PMVK: variants seen among roughly 807,000 people sequenced by gnomAD.
PMVK encodes the protein testis tissue sperm-binding protein Li 95mP.
PMVK carries 10 observed loss-of-function variants against 19.0 expected under a neutral mutation model. The ratio of observed to expected loss-of-function variants is 0.53; its 90% CI spans 0.32 to 0.89. The LOEUF (loss-of-function observed/expected upper bound fraction) is 0.89, where lower values mean the gene tolerates loss of function less well. Ranked by LOEUF, PMVK falls within the 40% of genes least tolerant of loss-of-function variation. The pLI, the probability that PMVK is intolerant of heterozygous loss-of-function variation, is 0.03. For synonymous variants in PMVK, 108 were observed against 101.6 expected, an observed-to-expected ratio of 1.06 and a Z score of -0.38; for missense variants, 222 against 251.1, an observed-to-expected ratio of 0.88 and a Z score of 0.78.
chr1:154,924,994 TCCA>T lies in PMVK; in HGVS notation c.*132_*134del. On this transcript the variant is annotated 3_prime_UTR_variant, in exon 5 of 5. Coordinates refer to ENST00000368467, the MANE Select transcript of PMVK (RefSeq NM_006556.4). ...CAGAGGTTTCCTGCCTTGCCCAATA[TCCA>T]CCAACCCCCTCAGAATCTAGACCCC... 1.1e-6 allele frequency: 1 copy of T among 918,076 alleles called. No homozygotes were observed. Among genetic ancestry groups the T allele is most frequent in the Non-Finnish European group, 1.7e-6 (1 of 590,736 alleles). The allele number at this position is 918,076 out of a possible 1,614,324, so 56.9% of individuals were successfully genotyped here. A position where few individuals can be genotyped will look rare whatever the true frequency, so the allele number is the denominator to read the frequency against.
intron 1 of PMVK, among the ~76,000 whole-genome samples, chr1:154,934,645 A>G (rs947666677): frequency 6.6e-6 from 1 of 152,216 alleles, no homozygotes; most frequent in Non-Finnish European, 1.5e-5. Context: ...AAATAAATAT[A>G]GCCAACATTT....
At chr1:154,942,152 G>C in the PMVK span, among the ~76,000 whole-genome samples, 2 of 152,192 alleles carry the variant, frequency 1.3e-5, no homozygotes, top group African/African-American at 4.8e-5. Flanking sequence ...GGGCAAACTT[G>C]GGGAGCTCCC....
upstream of PMVK, chr1:154,936,795 A>T (rs1440957802): frequency 1.1e-6 from 1 of 943,568 alleles, no homozygotes; most frequent in African/African-American, 1.6e-5. Context: ...ACAAGGAACA[A>T]TCGCGCCCCT....
chr1:154,926,386 C>T lies in PMVK; in HGVS notation c.410G>A (p.Ser137Asn). The T allele has an allele frequency of 1.2e-6, 2 of 1,613,812 alleles. No homozygotes were observed. The highest frequency in any genetic ancestry group is 4.5e-5 in the East Asian group (2 of 44,884). ...QTVRVVALEQ[S>N]RQQRGWVFTP... is the part of the protein sequence containing the mutation. ...GAACACCCAGCCCCGCTGCTGTCGG[C>T]TCTGCTCCAACGCTACAACGCGGAC... The change falls in exon 4 of 5, where the codon AGC becomes AAC. Residue 137 changes from serine (S) to asparagine (N), a missense_variant. By Grantham distance (46) the Ser-to-Asn change is conservative. Transcript: ENST00000368467.
intron 1 of PMVK, among the ~76,000 whole-genome samples, chr1:154,933,653 C>T: frequency 6.6e-6 from 1 of 151,316 alleles, no homozygotes. Context: ...GCCACTACAC[C>T]CGGCTAATTT....
At chr1:154,942,280 A>C in the PMVK span, among the ~76,000 whole-genome samples, 2 of 152,226 alleles carry the variant, frequency 1.3e-5, no homozygotes, top group Admixed American at 1.3e-4. Flanking sequence ...TCTACCCACA[A>C]GCTCCCCGAA....
intron 4 of PMVK, 78 bp downstream of exon 4, chr1:154,926,275 TC>T: frequency 7.2e-7 from 1 of 1,383,522 alleles, no homozygotes. Flanking sequence ...CTTATTCACT[TC>T]CCCCAGGCCT....
At chr1:154,928,048 C>A (rs751760825) in intron 3 of PMVK, among the ~76,000 whole-genome samples, 7 of 152,086 alleles carry the variant, frequency 4.6e-5, no homozygotes, top group Non-Finnish European at 1.0e-4. Context: ...CAACATGCAA[C>A]CACACCTGGC....
upstream of PMVK, among the ~76,000 whole-genome samples, chr1:154,940,424 A>G (rs533165414): frequency 5.9e-5 from 9 of 152,126 alleles, no homozygotes; most frequent in South Asian, 1.7e-3. Context: ...GGGTGGGGGG[A>G]ATGGTGAGGA....
intron 3 of PMVK, among the ~76,000 whole-genome samples, chr1:154,927,264 G>T (rs1654192156): frequency 6.6e-6 from 1 of 151,600 alleles, no homozygotes; most frequent in Non-Finnish European, 1.5e-5. Flanking sequence ...TTGCCAAATG[G>T]TAAAACACCG....
intron 1 of PMVK, among the ~76,000 whole-genome samples, chr1:154,933,528 C>T (rs1360892282): frequency 1.4e-5 from 2 of 138,608 alleles, no homozygotes; most frequent in East Asian, 2.2e-4. Context: ...GAGTCTTGCT[C>T]CACCACCCAG....
chr1:154,928,559 G>A (rs1007807342), intron 3 of PMVK, among the ~76,000 whole-genome samples: 3 of 152,094 alleles, frequency 2.0e-5, no homozygotes, highest in Non-Finnish European at 4.4e-5. Context: ...ATCACCTGAG[G>A]TCAGGAGTTC....
intron 1 of PMVK, among the ~76,000 whole-genome samples, chr1:154,936,210 T>C (rs879576438): frequency 1.3e-5 from 2 of 152,100 alleles, no homozygotes; most frequent in Admixed American, 1.3e-4. Flanking sequence ...GGCTCCTGAA[T>C]AGCTGGGACC....
At chr1:154,934,279 G>A (rs1014982481) in intron 1 of PMVK, among the ~76,000 whole-genome samples, 4 of 152,170 alleles carry the variant, frequency 2.6e-5, no homozygotes, top group Admixed American at 1.3e-4. Context: ...GATTACAGGC[G>A]TGAGCCACTG....
chr1:154,940,499 G>A (rs1244013907), upstream of PMVK, among the ~76,000 whole-genome samples: 4 of 152,214 alleles, frequency 2.6e-5, no homozygotes, highest in Admixed American at 1.3e-4. Flanking sequence ...GCCAGTGGCA[G>A]AATTTGCCCC....
At chr1:154,939,022 C>T (rs576607371), upstream of PMVK, among the ~76,000 whole-genome samples, 1 of 152,262 alleles carries the variant, frequency 6.6e-6, no homozygotes, top group African/African-American at 2.4e-5. Flanking sequence ...CACCCAGCCT[C>T]ATTCTCATTT....
At chr1:154,939,829 CAT>C (rs775395556), upstream of PMVK, among the ~76,000 whole-genome samples, 1 of 151,944 alleles carries the variant, frequency 6.6e-6, no homozygotes, top group Non-Finnish European at 1.5e-5. Context: ...AGTGGCGGAT[CAT>C]AAGCTCACTG....
chr1:154,926,905 C>T (rs1654180336), intron 3 of PMVK, among the ~76,000 whole-genome samples: 1 of 152,120 alleles, frequency 6.6e-6, no homozygotes, highest in Admixed American at 6.5e-5. Flanking sequence ...TCAACCTCAA[C>T]ACGGCTGAAA....
At chr1:154,932,506 TC>T in intron 1 of PMVK, 91 bp from the exon 2 acceptor site, 1 of 782,618 alleles carries the variant, frequency 1.3e-6, no homozygotes, top group Non-Finnish European at 2.0e-6. Flanking sequence ...TGTGTTGAAG[TC>T]CCATTTCTAC....
Sources: gnomAD v4.1 joint callset for allele counts (sites outside exome capture counted in the v4.1 genomes callset) on GRCh38, gnomAD v4.1.1 for gene constraint, MANE v1.5 for transcripts, NCBI Gene and HGNC (gene_info 2026-07-23, HGNC 2026-07-21) for gene names.